Variants in HYAL4 observed in about 807,000 individuals in gnomAD.
HYAL4 encodes the protein hyaluronidase-4.
In HYAL4, 37 loss-of-function variants were observed where a neutral mutation model predicts 35.2. The ratio of observed to expected loss-of-function variants is 1.05; its 90% CI spans 0.81 to 1.38. The LOEUF is 1.38. HYAL4 is among the 40% of genes most tolerant of loss of function. The pLI, the probability that HYAL4 is intolerant of heterozygous loss-of-function variation, is 0.00. For synonymous variants in HYAL4, 198 were observed against 203.2 expected (o/e 0.97, Z 0.22); for missense variants, 572 against 572.4 (o/e 1.00, Z 0.01).
chr7:123,829,464 T>C (rs1215009153), intron 1 of HYAL4, among the ~76,000 whole-genome samples: 2 of 152,138 alleles, frequency 1.3e-5, no homozygotes, highest in Admixed American at 1.3e-4. Flanking sequence ...GTATTGACTT[T>C]AAAGTAAAAA....
chr7:123,773,606 TAAC>T, the HYAL4 span, among the ~76,000 whole-genome samples: 2 of 152,210 alleles, frequency 1.3e-5, no homozygotes, highest in South Asian at 4.1e-4. Flanking sequence ...TATTAGCTGT[TAAC>T]AATTCAATTT....
chr7:123,828,422 A>T (rs1449922800), upstream of HYAL4, among the ~76,000 whole-genome samples: 1 of 116,134 alleles, frequency 8.6e-6, no homozygotes. Flanking sequence ...CCTCTTGTTC[A>T]TAATTACACA....
chr7:123,776,299 G>A, the HYAL4 span, among the ~76,000 whole-genome samples: 1 of 152,192 alleles, frequency 6.6e-6, no homozygotes, highest in South Asian at 2.1e-4. Context: ...TTATGCATGG[G>A]AGCCTGGGAG....
the HYAL4 span, among the ~76,000 whole-genome samples, chr7:123,787,125 AAAG>A: frequency 6.7e-6 from 1 of 149,032 alleles, no homozygotes; most frequent in African/African-American, 2.5e-5. Context: ...AAAAAAAAAA[AAAG>A]AAAAAGAAAA....
chr7:123,818,999 TAGACACC>T, the HYAL4 span, among the ~76,000 whole-genome samples: 3 of 152,188 alleles, frequency 2.0e-5, no homozygotes. Flanking sequence ...TCATTACCTA[TAGACACC>T]ATGCTATACA....
intron 4 of HYAL4, among the ~76,000 whole-genome samples, chr7:123,875,430 T>C (rs888226965): frequency 1.3e-5 from 2 of 151,112 alleles, no homozygotes; most frequent in Non-Finnish European, 3.0e-5. Context: ...TTTTGGGAGG[T>C]GGGATCACTT....
At chr7:123,867,430 G>A (rs1806718071) in intron 2 of HYAL4, among the ~76,000 whole-genome samples, 1 of 152,190 alleles carries the variant, frequency 6.6e-6, no homozygotes, top group Non-Finnish European at 1.5e-5. Flanking sequence ...TTGTTTAGAT[G>A]TGATAATCTG....
chr7:123,846,832 C>T (rs192034281), intron 1 of HYAL4, among the ~76,000 whole-genome samples: 10 of 152,336 alleles, frequency 6.6e-5, no homozygotes, highest in African/African-American at 2.4e-4. Flanking sequence ...GCTGCTTCCT[C>T]TATCCCTGTA....
At chr7:123,787,650 A>G in the HYAL4 span, among the ~76,000 whole-genome samples, 12 of 152,262 alleles carry the variant, frequency 7.9e-5, no homozygotes, top group African/African-American at 2.2e-4. Flanking sequence ...CCCATCATCA[A>G]TTTCAAACAA....
chr7:123,828,738 A>G (rs1805837210), upstream of HYAL4, among the ~76,000 whole-genome samples: 1 of 152,158 alleles, frequency 6.6e-6, no homozygotes, highest in Non-Finnish European at 1.5e-5. Context: ...TCACCTGGAA[A>G]TGATACGAAT....
At chr7:123,842,352 G>T (rs536919758), upstream of HYAL4, among the ~76,000 whole-genome samples, 45 of 152,126 alleles carry the variant, frequency 3.0e-4, 1 homozygote, top group African/African-American at 1.1e-3. Flanking sequence ...TTGCACTGTG[G>T]TCTGAGAGAC....
the HYAL4 span, among the ~76,000 whole-genome samples, chr7:123,766,132 C>T: frequency 6.6e-6 from 1 of 152,132 alleles, no homozygotes; most frequent in Non-Finnish European, 1.5e-5. Flanking sequence ...AAAAGGCCTA[C>T]TACACTTGGA....
At chr7:123,851,405 C>T (rs1051358659) in intron 2 of HYAL4, among the ~76,000 whole-genome samples, 2 of 152,022 alleles carry the variant, frequency 1.3e-5, no homozygotes, top group African/African-American at 4.8e-5. Context: ...CCCTCTGCCC[C>T]CTGACAGCCC....
chr7:123,859,998 T>C (rs10238532), intron 2 of HYAL4, among the ~76,000 whole-genome samples: 12,549 of 152,170 alleles, frequency 0.082, 1,712 homozygotes, highest in African/African-American at 0.29. Context: ...CCATATGTTG[T>C]GGGAGGGACC....
At chr7:123,814,849 G>A in the HYAL4 span, 2 of 127,158 alleles carry the variant, frequency 1.6e-5, no homozygotes, top group Non-Finnish European at 3.6e-5. Context: ...AAAAAGCGCA[G>A]CACTTTATCC....
the HYAL4 span, among the ~76,000 whole-genome samples, chr7:123,771,564 G>A: frequency 6.6e-6 from 1 of 151,968 alleles, no homozygotes; most frequent in Non-Finnish European, 1.5e-5. Context: ...TTTCCATAGT[G>A]TTTCATCTCA....
rs868213028 is a variant in HYAL4, at chr7:123,835,787, A to G, written c.-257+6663A>G. On this transcript the variant is annotated intron_variant, in intron 1 of 4. Coordinates refer to the HYAL4 transcript ENST00000489978. ...TTTAATAGGTTGTGTCACTATTGCCATTCGGTTCAAAAATTTTTTAAATTT... is the reference window on the plus strand; with the variant it reads ...TTTAATAGGTTGTGTCACTATTGCCGTTCGGTTCAAAAATTTTTTAAATTT... Among the ~76,000 whole-genome samples, 48 of 152,248 alleles carry G rather than the reference A, an allele frequency of 3.2e-4. 1 individual carries two copies. The highest frequency in any genetic ancestry group is 3.4e-3 in the Middle Eastern group (1 of 294).
the HYAL4 span, among the ~76,000 whole-genome samples, chr7:123,813,887 A>G: frequency 1.3e-5 from 2 of 152,288 alleles, no homozygotes; most frequent in Admixed American, 1.3e-4. Flanking sequence ...GGAAATTAAA[A>G]CCAGAATGGC....
chr7:123,763,933 C>T, the HYAL4 span, among the ~76,000 whole-genome samples: 1 of 152,208 alleles, frequency 6.6e-6, no homozygotes, highest in African/African-American at 2.4e-5. Flanking sequence ...GGAATGTCTT[C>T]TCTCCTGTTT....
Sources: gnomAD v4.1 joint callset for allele counts (sites outside exome capture counted in the v4.1 genomes callset) on GRCh38, gnomAD v4.1.1 for gene constraint, MANE v1.5 for transcripts, NCBI Gene and HGNC (gene_info 2026-07-23, HGNC 2026-07-21) for gene names.